Variants in MAGI2 observed in about 807,000 individuals in gnomAD.
The protein encoded by MAGI2 is membrane-associated guanylate kinase, WW and PDZ domain-containing protein 2.
A neutral mutation model predicts 133.3 loss-of-function variants in MAGI2; 35 were observed. That is an observed-to-expected ratio of 0.26 (90% CI 0.20 to 0.35). MAGI2 has a LOEUF of 0.35. Ranked by LOEUF, MAGI2 falls within the 10% of genes least tolerant of loss-of-function variation. The pLI, the probability that MAGI2 is intolerant of heterozygous loss-of-function variation, is 1.00. For synonymous variants in MAGI2, 729 were observed against 710.6 expected (o/e 1.03, Z -0.41); for missense variants, 1,636 against 1,863.4 (o/e 0.88, Z 2.25).
chr7:78,922,461 C>G (rs952258191), intron 2 of MAGI2, among the ~76,000 whole-genome samples: 2 of 150,960 alleles, frequency 1.3e-5, no homozygotes, highest in African/African-American at 4.9e-5. Context: ...TTTGTCCTTG[C>G]GATAGTTTAC....
At chr7:78,965,067 G>T (rs1803187320) in intron 2 of MAGI2, among the ~76,000 whole-genome samples, 1 of 151,536 alleles carries the variant, frequency 6.6e-6, no homozygotes, top group Non-Finnish European at 1.5e-5. Context: ...TTGTTTAGGT[G>T]TCATTGAAAT....
intron 3 of MAGI2, among the ~76,000 whole-genome samples, chr7:78,622,565 G>A (rs2150943310): frequency 6.6e-6 from 1 of 152,002 alleles, no homozygotes; most frequent in Middle Eastern, 3.4e-3. Context: ...TACCAACAGT[G>A]CAAAAAGACA....
At chr7:79,386,998 T>C (rs1464605914) in intron 1 of MAGI2, among the ~76,000 whole-genome samples, 2 of 109,106 alleles carry the variant, frequency 1.8e-5, no homozygotes, top group East Asian at 5.8e-4. Flanking sequence ...GATATATATG[T>C]ATACACACAC....
chr7:78,265,773 A>C (rs939826451), intron 9 of MAGI2, among the ~76,000 whole-genome samples: 1 of 152,230 alleles, frequency 6.6e-6, no homozygotes, highest in African/African-American at 2.4e-5. Context: ...GCTTATTTTC[A>C]AACAGCTGTA....
intron 6 of MAGI2, among the ~76,000 whole-genome samples, chr7:78,400,457 A>G (rs750192931): frequency 5.9e-5 from 9 of 152,216 alleles, no homozygotes; most frequent in Admixed American, 1.3e-4. Context: ...TACAGATCTG[A>G]TTTTTAAATC....
At chr7:78,452,044 G>A (rs1056752128) in intron 6 of MAGI2, among the ~76,000 whole-genome samples, 2 of 152,032 alleles carry the variant, frequency 1.3e-5, no homozygotes, top group Non-Finnish European at 2.9e-5. Context: ...CAATATCTTT[G>A]TAATATAATG....
At chr7:78,412,526 G>T (rs1797958945) in intron 6 of MAGI2, among the ~76,000 whole-genome samples, 1 of 152,056 alleles carries the variant, frequency 6.6e-6, no homozygotes, top group Non-Finnish European at 1.5e-5. Context: ...AACAAGTAAT[G>T]AAATTTAAAA....
intron 1 of MAGI2, among the ~76,000 whole-genome samples, chr7:79,105,122 T>G (rs1818335572): frequency 6.6e-6 from 1 of 152,370 alleles, no homozygotes; most frequent in South Asian, 2.1e-4. Flanking sequence ...CAAATCGTTC[T>G]GAGTGCATCA....
chr7:79,289,804 T>G (rs1428746980), intron 1 of MAGI2, among the ~76,000 whole-genome samples: 2 of 152,186 alleles, frequency 1.3e-5, no homozygotes, highest in African/African-American at 4.8e-5. Context: ...CCTTAAAACA[T>G]TTCCAAGTTT....
chr7:79,304,655 G>C lies in MAGI2; in HGVS notation c.301+148365C>G, dbSNP rs1837645421. Reference sequence around the variant, plus strand: ...TTCTAAGGCTAAAAAGAAATCCCTAGATTTACACTGCCCAGACACTGCTGC... The same window carrying C: ...TTCTAAGGCTAAAAAGAAATCCCTACATTTACACTGCCCAGACACTGCTGC... On this transcript the variant is annotated intron_variant, in intron 1 of 21. Coordinates refer to ENST00000354212, the MANE Select transcript of MAGI2 (RefSeq NM_012301.4). Among the ~76,000 whole-genome samples, 3 of 152,156 alleles carry C rather than the reference G, an allele frequency of 2.0e-5. No homozygotes were observed. The South Asian group carries it at 6.2e-4, about 31-fold the overall frequency.
intron 1 of MAGI2, among the ~76,000 whole-genome samples, chr7:79,254,777 T>G (rs959422942): frequency 3.3e-5 from 5 of 152,312 alleles, no homozygotes; most frequent in Admixed American, 3.3e-4. Context: ...AGAACTGAAC[T>G]CGCTCAATCT....
chr7:79,245,084 T>A (rs1431201148), intron 1 of MAGI2, among the ~76,000 whole-genome samples: 1 of 152,192 alleles, frequency 6.6e-6, no homozygotes, highest in Non-Finnish European at 1.5e-5. Flanking sequence ...CATCACCTGC[T>A]GACTAAAGAG....
chr7:78,377,977 A>G (rs937842151), intron 6 of MAGI2, among the ~76,000 whole-genome samples: 3 of 152,106 alleles, frequency 2.0e-5, no homozygotes, highest in African/African-American at 7.2e-5. Flanking sequence ...AAACCTAGAG[A>G]TATTTTGAAA....
Position 78,738,677 on chromosome 7 carries a change from A to G in MAGI2, c.419-111438T>C, listed in dbSNP as rs534798418. On this transcript the variant is annotated intron_variant, in intron 2 of 21. Coordinates refer to ENST00000354212, the MANE Select transcript of MAGI2 (RefSeq NM_012301.4). Reference sequence around the variant, plus strand: ...CAGTGAACTCTAAAGGAGGATGTTCATGATGAAAAAAGGATGGCTCAACTT... The same window carrying G: ...CAGTGAACTCTAAAGGAGGATGTTCGTGATGAAAAAAGGATGGCTCAACTT... Among the ~76,000 whole-genome samples, 11 of 152,328 alleles carry G rather than the reference A, an allele frequency of 7.2e-5. No individual in the cohort carries two copies. In the East Asian group the frequency reaches 1.9e-3, roughly 27 times the overall value.
At chr7:78,255,666 G>T in intron 10 of MAGI2, 2 of 572,892 alleles carry the variant, frequency 3.5e-6, no homozygotes, top group Non-Finnish European at 3.0e-6. Context: ...TACATTCATA[G>T]TTGGGGATTT....
Position 78,529,668 on chromosome 7 carries a change from G to GTTTTTTTTTTTTTTTTTTTTTTTTTTTT in MAGI2, c.539-8051_539-8024dup, listed in dbSNP as rs554010061. Among the ~76,000 whole-genome samples the GTTTTTTTTTTTTTTTTTTTTTTTTTTTT allele has an allele frequency of 1.7e-4, 10 of 57,424 alleles. 1 individual carries two copies. The highest frequency in any genetic ancestry group is 3.3e-4 in the African/African-American group (6 of 18,088). The allele number at this position is 57,424 out of a possible 152,430, so 37.7% of individuals were successfully genotyped here. A position where few individuals can be genotyped will look rare whatever the true frequency, so the allele number is the denominator to read the frequency against. ...TTTCTTTTCCTTGCTAAAGGAGATG[G>GTTTTTTTTTTTTTTTTTTTTTTTTTTTT]TTTTTTTTTTTTTTTTTTTTTTTTT... On this transcript the variant is annotated intron_variant, in intron 3 of 21. Transcript: ENST00000354212.
At chr7:79,127,720 T>C (rs571462674) in intron 1 of MAGI2, among the ~76,000 whole-genome samples, 1 of 152,208 alleles carries the variant, frequency 6.6e-6, no homozygotes, top group Non-Finnish European at 1.5e-5. Context: ...GATGAGTAGG[T>C]TGCAAAAATT....
intron 10 of MAGI2, among the ~76,000 whole-genome samples, chr7:78,204,958 A>G (rs944078700): frequency 6.6e-6 from 1 of 152,244 alleles, no homozygotes; most frequent in African/African-American, 2.4e-5. Context: ...CAGAAATAAA[A>G]CTAGAATATA....
intron 1 of MAGI2, among the ~76,000 whole-genome samples, chr7:79,162,794 G>C (rs1041705281): frequency 6.6e-6 from 1 of 151,936 alleles, no homozygotes; most frequent in Non-Finnish European, 1.5e-5. Flanking sequence ...ATAGCTAATT[G>C]CTGTAAGCCT....
Sources: allele counts gnomAD v4.1 joint callset (sites outside exome capture counted in the v4.1 genomes callset), GRCh38; gene constraint gnomAD v4.1.1; transcripts MANE v1.5; gene names NCBI Gene and HGNC (gene_info 2026-07-23, HGNC 2026-07-21).